KCNQ1OT1: variants seen among roughly 807,000 people sequenced by gnomAD.
KCNQ1OT1 encodes KCNQ1 opposite strand/antisense transcript 1.
At chr11:2,689,641 G>A (rs1201813905) in exon 1 of KCNQ1OT1, 2 of 398,718 alleles carry the variant, frequency 5.0e-6, no homozygotes, top group Non-Finnish European at 8.8e-6. Flanking sequence ...GCCAGCAGGT[G>A]CAGAGGTCAC....
exon 1 of KCNQ1OT1, chr11:2,672,337 G>A (rs539017242): frequency 7.0e-4 from 279 of 398,738 alleles, no homozygotes; most frequent in African/African-American, 5.1e-3. Flanking sequence ...TGTGGTGGGT[G>A]CAGAAGCAGT....
chr11:2,684,033 A>C, exon 1 of KCNQ1OT1: 1 of 397,572 alleles, frequency 2.5e-6, no homozygotes, highest in Non-Finnish European at 4.4e-6. Context: ...AGCTAACTTC[A>C]TCCTCCCCCT....
Position 2,695,101 on chromosome 11 carries a change from T to C in KCNQ1OT1, n.4894A>G. On this transcript the variant is annotated non_coding_transcript_exon_variant, in exon 1 of 1. Coordinates refer to ENST00000597346, the Ensembl canonical transcript of KCNQ1OT1. This position sits in a 1 kb window ranked among gnomAD's most constrained non-coding sequence, Gnocchi z 5.2. ...CCTAGAAATAGAAGCCACTAGAGGG[T>C]ATCTGGCAGGAGAGTCATGGAGGCA... 1 of 398,484 alleles carries C rather than the reference T, an allele frequency of 2.5e-6. No individual in the cohort carries two copies. 24.7% of individuals were successfully genotyped at this position (398,484 alleles called of 1,614,324 possible). A position where few individuals can be genotyped will look rare whatever the true frequency, so the allele number is the denominator to read the frequency against.
exon 1 of KCNQ1OT1, chr11:2,616,223 G>GT (rs138326980): frequency 0.02 from 7,566 of 384,840 alleles, 207 homozygotes; most frequent in East Asian, 0.11. Context: ...TCTTATTTTT[G>GT]TTTTTTTTTG....
chr11:2,637,815 G>A lies in KCNQ1OT1; in HGVS notation n.62180C>T, dbSNP rs542560387. 1.2e-3 allele frequency: 185 copies of A among 152,270 alleles called. 1 individual carries two copies. Among genetic ancestry groups the A allele is most frequent in the African/African-American group, 4.2e-3 (174 of 41,550 alleles). 9.4% of individuals were successfully genotyped at this position (152,270 alleles called of 1,614,324 possible). A position where few individuals can be genotyped will look rare whatever the true frequency, so the allele number is the denominator to read the frequency against. ...AGTCTCCCATTATTATTGTGTGGGAGTCTGTCTCTTTGTAGATCTCTAAGG... is the reference window on the plus strand; with the variant it reads ...AGTCTCCCATTATTATTGTGTGGGAATCTGTCTCTTTGTAGATCTCTAAGG... On this transcript the variant is annotated non_coding_transcript_exon_variant, in exon 1 of 1. Coordinates refer to ENST00000597346, the Ensembl canonical transcript of KCNQ1OT1.
In KCNQ1OT1 at chr11:2,679,001, G is replaced by T; in HGVS notation, n.20994C>A. 1 of 398,526 alleles carries T rather than the reference G, an allele frequency of 2.5e-6. No individual in the cohort carries two copies. The highest frequency in any genetic ancestry group is 4.4e-5 in the Admixed American group (1 of 22,716). The allele number at this position is 398,526 out of a possible 1,614,324, so 24.7% of individuals were successfully genotyped here. A position where few individuals can be genotyped will look rare whatever the true frequency, so the allele number is the denominator to read the frequency against. On this transcript the variant is annotated non_coding_transcript_exon_variant, in exon 1 of 1. Coordinates refer to ENST00000597346, the Ensembl canonical transcript of KCNQ1OT1. This position sits in a 1 kb window ranked among gnomAD's most constrained non-coding sequence, Gnocchi z 4.8. ...CTAATTCAAGAATTTTTAAAAACCC[G>T]CAATAAGAAACATAATCTAAAACTT...
chr11:2,635,524 C>A (rs1283364100), exon 1 of KCNQ1OT1: 1 of 152,164 alleles, frequency 6.6e-6, no homozygotes, highest in Non-Finnish European at 1.5e-5. Flanking sequence ...GGGCTCTGTT[C>A]TGTTCCATTG....
At chr11:2,685,556 A>G (rs1850472698) in exon 1 of KCNQ1OT1, 1 of 398,712 alleles carries the variant, frequency 2.5e-6, no homozygotes, top group Non-Finnish European at 4.4e-6. Context: ...GCAGATGACT[A>G]CAGCTCTTGG....
exon 1 of KCNQ1OT1, chr11:2,666,458 C>G: frequency 2.5e-6 from 1 of 398,678 alleles, no homozygotes; most frequent in Non-Finnish European, 4.4e-6. Flanking sequence ...TCTCCTGGAC[C>G]CTGCAGAATC....
At chr11:2,662,656 C>T (rs1017467973) in exon 1 of KCNQ1OT1, 18 of 406,458 alleles carry the variant, frequency 4.4e-5, no homozygotes, top group South Asian at 1.2e-4. Context: ...GATTCCCCTG[C>T]GACATGTGAC....
chr11:2,610,716 C>CTT lies in KCNQ1OT1; in HGVS notation n.89277_89278dup, dbSNP rs1167505141. On this transcript the variant is annotated non_coding_transcript_exon_variant, in exon 1 of 1. Transcript: ENST00000597346. The stretch of plus-strand genomic sequence containing the variant: ...TTCTGGACACAGTATTCTTGGTTGG[C>CTT]TTTTTTTTTTTTTTTTTTTTTTTTT... The CTT allele has an allele frequency of 6.4e-3, 1,472 of 229,046 alleles. 32 individuals carry two copies. Among genetic ancestry groups the CTT allele is most frequent in the Middle Eastern group, 0.012 (13 of 1,076 alleles). The allele number at this position is 229,046 out of a possible 1,614,324, so 14.2% of individuals were successfully genotyped here.
exon 1 of KCNQ1OT1, chr11:2,699,151 C>G (rs1284254515): frequency 2.5e-6 from 1 of 398,524 alleles, no homozygotes; most frequent in Non-Finnish European, 4.4e-6. Context: ...CAATTCAGCC[C>G]ACTCTGAACC....
exon 1 of KCNQ1OT1, chr11:2,616,559 C>T: frequency 2.5e-6 from 1 of 398,090 alleles, no homozygotes; most frequent in Admixed American, 4.4e-5. Flanking sequence ...TCTTTCACTA[C>T]ATCCCATAAG....
In KCNQ1OT1 at chr11:2,676,121, C is replaced by CA; in HGVS notation, n.23873_23874insT. 1 of 398,464 alleles carries CA rather than the reference C, an allele frequency of 2.5e-6. No individual in the cohort carries two copies. Among genetic ancestry groups the CA allele is most frequent in the Non-Finnish European group, 4.4e-6 (1 of 226,076 alleles). The allele number at this position is 398,464 out of a possible 1,614,324, so 24.7% of individuals were successfully genotyped here. Reference sequence around the variant, plus strand: ...TGCATGTACTTAGTAGATACGGCTCCTTTTTATACAAATGGTAGCATACTG... The same window carrying CA: ...TGCATGTACTTAGTAGATACGGCTCCATTTTTATACAAATGGTAGCATACTG... On this transcript the variant is annotated non_coding_transcript_exon_variant, in exon 1 of 1. Transcript: ENST00000597346. The surrounding 1 kb of genome is among the most constrained non-coding windows in gnomAD (Gnocchi z 4.2).
rs879258041 is a variant in KCNQ1OT1 at position 2,617,868 on chromosome 11, T to A, written n.82127A>T. 7.5e-6 allele frequency: 3 copies of A among 398,598 alleles called. No homozygotes were observed. The highest frequency in any genetic ancestry group is 1.3e-5 in the Non-Finnish European group (3 of 226,030). 24.7% of individuals were successfully genotyped at this position (398,598 alleles called of 1,614,324 possible). On this transcript the variant is annotated non_coding_transcript_exon_variant, in exon 1 of 1. Transcript: ENST00000597346. This position sits in a 1 kb window ranked among gnomAD's most constrained non-coding sequence, Gnocchi z 4.6. ...TGTCTACTCAGTTCCACTGCCCATTTTTTAATTGGGTTATCTATTTTCTTG... is the reference window on the plus strand; with the variant it reads ...TGTCTACTCAGTTCCACTGCCCATTATTTAATTGGGTTATCTATTTTCTTG...
exon 1 of KCNQ1OT1, chr11:2,616,318 T>A: frequency 2.5e-6 from 1 of 397,936 alleles, no homozygotes. Flanking sequence ...GGTTTTCAAC[T>A]TTGATCTTTT....
Position 2,677,722 on chromosome 11 carries a change from A to G in KCNQ1OT1, n.22273T>C, listed in dbSNP as rs1259700462. 1.5e-5 allele frequency: 6 copies of G among 398,454 alleles called. No homozygotes were observed. Among genetic ancestry groups the G allele is most frequent in the Non-Finnish European group, 2.2e-5 (5 of 226,054 alleles). 24.7% of individuals were successfully genotyped at this position (398,454 alleles called of 1,614,324 possible). A position where few individuals can be genotyped will look rare whatever the true frequency, so the allele number is the denominator to read the frequency against. On this transcript the variant is annotated non_coding_transcript_exon_variant, in exon 1 of 1. Transcript: ENST00000597346. The surrounding 1 kb of genome is among the most constrained non-coding windows in gnomAD (Gnocchi z 4.5). ...ATTAACTTCCCAATCAAATATCTCT[A>G]TTGTAAAATTTTGGTCTCCGTTTTC...
Position 2,671,711 on chromosome 11 carries a change from G to A in KCNQ1OT1, n.28284C>T, listed in dbSNP as rs573041667. Reference sequence around the variant, plus strand: ...GGCAATAGAGGGTACTTGGGAAGTAGGGTGGTAGGCAAGGCTTTTCAGAGA... The same window carrying A: ...GGCAATAGAGGGTACTTGGGAAGTAAGGTGGTAGGCAAGGCTTTTCAGAGA... On this transcript the variant is annotated non_coding_transcript_exon_variant, in exon 1 of 1. Coordinates refer to ENST00000597346, the Ensembl canonical transcript of KCNQ1OT1. This position sits in a 1 kb window ranked among gnomAD's most constrained non-coding sequence, Gnocchi z 4.7. 6 of 398,732 alleles carry A rather than the reference G, an allele frequency of 1.5e-5. No individual in the cohort carries two copies. Among genetic ancestry groups the A allele is most frequent in the Middle Eastern group, 1.3e-3 (2 of 1,588 alleles). 24.7% of individuals were successfully genotyped at this position (398,732 alleles called of 1,614,324 possible). A position where few individuals can be genotyped will look rare whatever the true frequency, so the allele number is the denominator to read the frequency against.
In KCNQ1OT1 at chr11:2,657,917, C is replaced by G. The variant is rs775481660; in HGVS notation, n.42078G>C. On this transcript the variant is annotated non_coding_transcript_exon_variant, in exon 1 of 1. Transcript: ENST00000597346. This position sits in a 1 kb window ranked among gnomAD's most constrained non-coding sequence, Gnocchi z 4.8. ...CTTTCCTCATTGTGGAACATGACAT[C>G]AACATGGTTTATCACTGGTAATATT... The G allele has an allele frequency of 3.5e-4, 141 of 398,466 alleles. No homozygotes were observed. Among genetic ancestry groups the G allele is most frequent in the Non-Finnish European group, 4.6e-4 (104 of 226,054 alleles). The allele number at this position is 398,466 out of a possible 1,614,324, so 24.7% of individuals were successfully genotyped here.
Sources: gnomAD v4.1 joint callset for allele counts on GRCh38, gnomAD v4.1.1 for gene constraint, Gnocchi (gnomAD v3.1) non-coding constraint, MANE v1.5 for transcripts, NCBI Gene and HGNC (gene_info 2026-07-23, HGNC 2026-07-21) for gene names.